PTPRT: variants seen among roughly 807,000 people sequenced by gnomAD.
PTPRT encodes the protein receptor-type tyrosine-protein phosphatase T.
Under a neutral mutation model 176.8 loss-of-function variants are expected in PTPRT, and 56 were observed. The ratio of observed to expected loss-of-function variants is 0.32; its 90% CI spans 0.26 to 0.40. The LOEUF (loss-of-function observed/expected upper bound fraction) is 0.40. Among genes scored for constraint, PTPRT ranks in the 10% least tolerant of loss-of-function variants. The pLI, the probability that PTPRT is intolerant of heterozygous loss-of-function variation, is 1.00. For synonymous variants in PTPRT, 783 were observed against 739.0 expected (o/e 1.06, Z -0.96); for missense variants, 1,540 against 1,908.2 (o/e 0.81, Z 3.60).
At chr20:42,407,920 A>T (rs1306511939) in intron 9 of PTPRT, among the ~76,000 whole-genome samples, 11 of 152,158 alleles carry the variant, frequency 7.2e-5, no homozygotes, top group Non-Finnish European at 1.3e-4. Context: ...CAAGGAAAAA[A>T]TACATTTGAT....
At chr20:42,576,716 A>C (rs1338912526) in intron 7 of PTPRT, among the ~76,000 whole-genome samples, 1 of 152,248 alleles carries the variant, frequency 6.6e-6, no homozygotes, top group Non-Finnish European at 1.5e-5. Context: ...TTAGAAAGAC[A>C]CAAAGGAACT....
chr20:43,050,983 C>T (rs1170326089), intron 1 of PTPRT, among the ~76,000 whole-genome samples: 2 of 152,196 alleles, frequency 1.3e-5, no homozygotes, highest in Non-Finnish European at 2.9e-5. Flanking sequence ...AAGAAAGTGG[C>T]TCTATTCTCT....
At chr20:42,747,728 G>C (rs990327098) in intron 6 of PTPRT, among the ~76,000 whole-genome samples, 1 of 152,164 alleles carries the variant, frequency 6.6e-6, no homozygotes, top group African/African-American at 2.4e-5. Flanking sequence ...AGAGGAAATG[G>C]ATCAGCATGG....
chr20:42,545,681 T>G (rs973961596), intron 7 of PTPRT, among the ~76,000 whole-genome samples: 5 of 152,192 alleles, frequency 3.3e-5, no homozygotes, highest in African/African-American at 9.7e-5. Context: ...TGGTCAGCAC[T>G]CTCACAATTG....
intron 8 of PTPRT, among the ~76,000 whole-genome samples, chr20:42,459,785 G>A (rs2070987136): frequency 6.6e-6 from 1 of 151,558 alleles, no homozygotes; most frequent in South Asian, 2.1e-4. Flanking sequence ...TGACCTCCCA[G>A]CCTCAAGCAG....
At chr20:42,519,529 C>T (rs1199196525) in intron 7 of PTPRT, among the ~76,000 whole-genome samples, 2 of 152,010 alleles carry the variant, frequency 1.3e-5, no homozygotes, top group African/African-American at 2.4e-5. Flanking sequence ...TTTGTTGACC[C>T]AGGAGTGGTT....
At position 42,944,725 on chromosome 20, in the gene PTPRT, G is replaced by T. The variant is rs73907418; in HGVS notation, c.89-58793C>A. ...TCAGTTTACATATCGTCTCCCCAGA[G>T]AATCTGTCCCAACTACCGTATATCA... is the stretch of plus-strand genomic sequence containing the variant. On this transcript the variant is annotated intron_variant, in intron 1 of 30. Transcript: ENST00000373187. 3.7e-3 allele frequency among the ~76,000 whole-genome samples: 568 copies of T among 152,278 alleles called. 2 individuals carry two copies. The highest frequency in any genetic ancestry group is 0.013 in the African/African-American group (541 of 41,548).
intron 1 of PTPRT, among the ~76,000 whole-genome samples, chr20:43,133,238 A>C (rs2013703137): frequency 6.6e-6 from 1 of 152,176 alleles, no homozygotes; most frequent in Non-Finnish European, 1.5e-5. Flanking sequence ...ATTCCTCAGT[A>C]AAAAAGAAAA....
intron 4 of PTPRT, among the ~76,000 whole-genome samples, chr20:42,772,848 T>A (rs1478053465): frequency 6.6e-6 from 1 of 152,246 alleles, no homozygotes; most frequent in Non-Finnish European, 1.5e-5. Flanking sequence ...CTATGATAAA[T>A]GCTTTGCATG....
intron 7 of PTPRT, among the ~76,000 whole-genome samples, chr20:42,494,814 T>C (rs954907865): frequency 1.3e-5 from 2 of 152,160 alleles, no homozygotes; most frequent in Admixed American, 6.6e-5. Flanking sequence ...AATAGATGGA[T>C]AGATACGTGA....
intron 1 of PTPRT, among the ~76,000 whole-genome samples, chr20:43,020,408 G>A (rs995900577): frequency 7.9e-5 from 12 of 151,916 alleles, no homozygotes; most frequent in Admixed American, 1.3e-4. Flanking sequence ...AGGCACAGAC[G>A]GCAACAGTGC....
At chr20:43,066,018 A>G (rs77609541) in intron 1 of PTPRT, among the ~76,000 whole-genome samples, 2,613 of 152,212 alleles carry the variant, frequency 0.017, 88 homozygotes, top group African/African-American at 0.059. Context: ...ATATCTGCAA[A>G]AGTCTAGGCC....
At chr20:42,084,585 G>C in intron 29 of PTPRT, 97 bp downstream of exon 29, 30 of 1,127,554 alleles carry the variant, frequency 2.7e-5, no homozygotes, top group Non-Finnish European at 3.4e-5. Context: ...GGTATAGCCA[G>C]GCCTGCCTAG....
intron 13 of PTPRT, among the ~76,000 whole-genome samples, chr20:42,266,930 G>A (rs2056847664): frequency 2.0e-5 from 3 of 152,124 alleles, no homozygotes; most frequent in African/African-American, 7.2e-5. Context: ...TGTTCTATGT[G>A]TAAAATACAC....
rs546931960 is a variant in PTPRT at position 43,062,097 on chromosome 20, G to A, written c.88+127549C>T. Reference sequence around the variant, plus strand: ...GGTTGCCTGGGGCTTAGGGTGGAAGGAAGGACTGCAAAGAGGAAGGAGAGC... The same window carrying A: ...GGTTGCCTGGGGCTTAGGGTGGAAGAAAGGACTGCAAAGAGGAAGGAGAGC... On this transcript the variant is annotated intron_variant, in intron 1 of 30. Transcript: ENST00000373187. Among the ~76,000 whole-genome samples, 10 of 152,326 alleles carry A rather than the reference G, an allele frequency of 6.6e-5. No homozygotes were observed. In the East Asian group the frequency reaches 1.9e-3, roughly 29 times the overall value.
At chr20:43,048,025 C>A (rs947254924) in intron 1 of PTPRT, among the ~76,000 whole-genome samples, 3 of 152,048 alleles carry the variant, frequency 2.0e-5, no homozygotes, top group African/African-American at 7.2e-5. Context: ...GCAAAACAGG[C>A]AGGTAATCAA....
At chr20:42,658,786 C>T (rs1381813936) in intron 7 of PTPRT, among the ~76,000 whole-genome samples, 1 of 152,066 alleles carries the variant, frequency 6.6e-6, no homozygotes, top group African/African-American at 2.4e-5. Flanking sequence ...AAACTAAGAC[C>T]ATATCTATTC....
chr20:42,430,610 C>T (rs1008787218), intron 9 of PTPRT, among the ~76,000 whole-genome samples: 2 of 152,180 alleles, frequency 1.3e-5, no homozygotes, highest in Non-Finnish European at 2.9e-5. Context: ...AGAAACCTGG[C>T]TGCGAGTCCT....
At chr20:42,218,095 G>T (rs1023504458) in intron 15 of PTPRT, among the ~76,000 whole-genome samples, 1 of 152,132 alleles carries the variant, frequency 6.6e-6, no homozygotes, top group Admixed American at 6.5e-5. Flanking sequence ...GCAAATGATC[G>T]GTTAAAGCCT....
Sources: gnomAD v4.1 joint callset for allele counts (sites outside exome capture counted in the v4.1 genomes callset) on GRCh38, gnomAD v4.1.1 for gene constraint, MANE v1.5 for transcripts, NCBI Gene and HGNC (gene_info 2026-07-23, HGNC 2026-07-21) for gene names.